The following GTPBP10 variants were observed in gnomAD, a reference collection of about 807,000 sequenced individuals.
GTPBP10 encodes the protein GTP-binding protein 10.
A neutral mutation model predicts 44.8 loss-of-function variants in GTPBP10; 38 were observed. That is an observed-to-expected ratio of 0.85 (90% CI 0.65 to 1.11). GTPBP10 has a LOEUF of 1.11. Ranked by LOEUF, GTPBP10 falls within the 50% of genes most tolerant of loss-of-function variation. The pLI, the probability that GTPBP10 is intolerant of heterozygous loss-of-function variation, is 0.00. For synonymous variants in GTPBP10, 152 were observed against 150.6 expected (o/e 1.01, Z -0.07); for missense variants, 462 against 453.7 (o/e 1.02, Z -0.17).
chr7:90,369,115 C>G (rs568697920), intron 4 of GTPBP10, among the ~76,000 whole-genome samples: 2 of 152,196 alleles, frequency 1.3e-5, no homozygotes, highest in Non-Finnish European at 2.9e-5. Flanking sequence ...CTAGGAATCA[C>G]CAGCGGAGGC....
chr7:90,353,141 C>A, intron 2 of GTPBP10, 132 bp downstream of exon 2: 2 of 561,728 alleles, frequency 3.6e-6, no homozygotes, highest in Non-Finnish European at 6.1e-6. Context: ...CAAGCAAAAG[C>A]CTAAAATGTC....
At chr7:90,377,431 A>T (rs1156534736) in intron 6 of GTPBP10, 76 bp from the exon 7 acceptor site, 20 of 908,352 alleles carry the variant, frequency 2.2e-5, no homozygotes, top group Non-Finnish European at 3.3e-5. Flanking sequence ...GAAATATCTT[A>T]AAAATTTTGG....
At chr7:90,364,602 C>T (rs952811782) in intron 4 of GTPBP10, among the ~76,000 whole-genome samples, 2 of 152,208 alleles carry the variant, frequency 1.3e-5, no homozygotes, top group Non-Finnish European at 2.9e-5. Flanking sequence ...AGGAGGCAGT[C>T]TGTCCGTTCT....
chr7:90,363,125 C>A (rs1323788665), intron 4 of GTPBP10, among the ~76,000 whole-genome samples: 1 of 152,122 alleles, frequency 6.6e-6, no homozygotes, highest in Non-Finnish European at 1.5e-5. Context: ...GAGCATTTAG[C>A]CCATTTACAT....
At chr7:90,363,204 T>TA (rs1415261662) in intron 4 of GTPBP10, among the ~76,000 whole-genome samples, 3 of 152,218 alleles carry the variant, frequency 2.0e-5, no homozygotes, top group Admixed American at 1.3e-4. Flanking sequence ...TTTTGCTCGT[T>TA]AGTTGATGCG....
rs1796555902 is a variant in GTPBP10, at chr7:90,388,095, G to A, written c.*2941G>A. On this transcript the variant is annotated 3_prime_UTR_variant, in exon 10 of 10. Coordinates refer to ENST00000222511, the MANE Select transcript of GTPBP10 (RefSeq NM_033107.4). ...ATTTTATTATGTGACTCACTAAGAT[G>A]TTCAATTCATTAGTATTTTCTGGTT... is the stretch of plus-strand genomic sequence containing the variant. 6.6e-6 allele frequency: 1 copy of A among 152,038 alleles called. No homozygotes were observed. The highest frequency in any genetic ancestry group is 1.5e-5 in the Non-Finnish European group (1 of 68,002). The allele number at this position is 152,038 out of a possible 1,614,324, so 9.4% of individuals were successfully genotyped here. A position where few individuals can be genotyped will look rare whatever the true frequency, so the allele number is the denominator to read the frequency against.
intron 7 of GTPBP10, among the ~76,000 whole-genome samples, 154 bp downstream of exon 7, chr7:90,377,768 A>G (rs1055030576): frequency 3.3e-4 from 50 of 152,164 alleles, no homozygotes; most frequent in Admixed American, 3.1e-3. Flanking sequence ...TGTTTACTAT[A>G]TCATATGTAA....
At chr7:90,371,113 A>G (rs2115720550) in intron 4 of GTPBP10, 1 of 564,532 alleles carries the variant, frequency 1.8e-6, no homozygotes, top group South Asian at 7.9e-5. Context: ...TAGTCATTGC[A>G]TTGTTTAAAG....
rs1584651018 is a variant in GTPBP10, at chr7:90,385,480, C to G, written c.*326C>G. The stretch of plus-strand genomic sequence containing the variant: ...TAACAACAATGTATTTTGAAAGTCA[C>G]TGAGTAAATTTTAAGTGGTTTTTCC... On this transcript the variant is annotated 3_prime_UTR_variant, in exon 10 of 10. Transcript: ENST00000222511. 1 of 179,726 alleles carries G rather than the reference C, an allele frequency of 5.6e-6. No individual in the cohort carries two copies. The highest frequency in any genetic ancestry group is 2.4e-5 in the African/African-American group (1 of 42,346). The allele number at this position is 179,726 out of a possible 1,614,324, so 11.1% of individuals were successfully genotyped here. A position where few individuals can be genotyped will look rare whatever the true frequency, so the allele number is the denominator to read the frequency against.
Position 90,370,974 on chromosome 7 carries a change from C to T in GTPBP10, c.465-1181C>T, listed in dbSNP as rs895153562. 3.3e-5 allele frequency among the ~76,000 whole-genome samples: 5 copies of T among 151,134 alleles called. No individual in the cohort carries two copies. In the South Asian group the frequency reaches 8.4e-4, roughly 25 times the overall value. On this transcript the variant is annotated intron_variant, in intron 4 of 9. Coordinates refer to ENST00000222511, the MANE Select transcript of GTPBP10 (RefSeq NM_033107.4). The stretch of plus-strand genomic sequence containing the variant: ...TGAGCCAAGATCACGCCACTGCACT[C>T]CAGCCTGGGCAACAGAGCGAGACTC...
At chr7:90,357,689 GA>G (rs1795931317) in intron 4 of GTPBP10, among the ~76,000 whole-genome samples, 1 of 152,080 alleles carries the variant, frequency 6.6e-6, no homozygotes, top group South Asian at 2.1e-4. Flanking sequence ...TGCCTGATAC[GA>G]AGTCAGTGCT....
chr7:90,384,601 C>CCCG (rs548204382), intron 9 of GTPBP10, among the ~76,000 whole-genome samples: 203 of 151,860 alleles, frequency 1.3e-3, no homozygotes, highest in African/African-American at 4.2e-3. Context: ...TTAACCCCCC[C>CCCG]CACACACACA....
chr7:90,380,547 G>A (rs370499137), intron 8 of GTPBP10, among the ~76,000 whole-genome samples: 4 of 152,224 alleles, frequency 2.6e-5, no homozygotes, highest in African/African-American at 9.6e-5. Context: ...TAAAAATTGT[G>A]TGTACTTAAA....
intron 1 of GTPBP10, among the ~76,000 whole-genome samples, chr7:90,349,354 A>T (rs1443964495): frequency 6.6e-6 from 1 of 152,080 alleles, no homozygotes; most frequent in Admixed American, 6.6e-5. Context: ...ATTTACAGAC[A>T]TTGTGTTTGG....
At chr7:90,370,832 C>G (rs1445377297) in intron 4 of GTPBP10, among the ~76,000 whole-genome samples, 1 of 151,958 alleles carries the variant, frequency 6.6e-6, no homozygotes, top group Admixed American at 6.6e-5. Flanking sequence ...GGTGAAACCC[C>G]ATCTCTACTG....
At position 90,354,562 on chromosome 7, in the gene GTPBP10, TA is replaced by T; in HGVS notation, c.319+15del. ...GGTAAAATTATAGGTGAGTGTACTA[TA>T]ACTCCAAAAGTTGTAAAAATGTGCA... is the stretch of plus-strand genomic sequence containing the variant. On this transcript the variant is annotated intron_variant, in intron 3 of 9. Transcript: ENST00000222511. 2 of 1,385,430 alleles carry T rather than the reference TA, an allele frequency of 1.4e-6. No individual in the cohort carries two copies. Among genetic ancestry groups the T allele is most frequent in the Non-Finnish European group, 2.0e-6 (2 of 1,001,324 alleles). 85.8% of individuals were successfully genotyped at this position (1,385,430 alleles called of 1,614,324 possible). A position where few individuals can be genotyped will look rare whatever the true frequency, so the allele number is the denominator to read the frequency against.
In GTPBP10 at chr7:90,384,872, G is replaced by T. The variant is rs753255397; in HGVS notation, c.902-20G>T. 2 of 1,576,762 alleles carry T rather than the reference G, an allele frequency of 1.3e-6. No homozygotes were observed. The highest frequency in any genetic ancestry group is 4.5e-5 in the East Asian group (2 of 44,068). On this transcript the variant is annotated intron_variant, in intron 9 of 9. Coordinates refer to ENST00000222511, the MANE Select transcript of GTPBP10 (RefSeq NM_033107.4). ...TTCGAAAACAATGGAAATCAGCTTT[G>T]TTTGTGCTCTTTCTTTTAGATTTTC...
chr7:90,351,292 A>T lies in GTPBP10; in HGVS notation c.34-1524A>T, dbSNP rs1795787181. On this transcript the variant is annotated intron_variant, in intron 1 of 9. Coordinates refer to ENST00000222511, the MANE Select transcript of GTPBP10 (RefSeq NM_033107.4). The stretch of plus-strand genomic sequence containing the variant: ...GATAAATTTTAAGTTTTTATAATAG[A>T]TGTGTGGCCAGGTGCAGTAGCTCAT... Among the ~76,000 whole-genome samples, 7 of 152,194 alleles carry T rather than the reference A, an allele frequency of 4.6e-5. No homozygotes were observed. In the South Asian group the frequency reaches 1.4e-3, roughly 31 times the overall value.
At position 90,368,232 on chromosome 7, in the gene GTPBP10, CT is replaced by C. The variant is rs367799214; in HGVS notation, c.465-3920del. Among the ~76,000 whole-genome samples the C allele has an allele frequency of 2.0e-3, 305 of 152,240 alleles. 1 individual carries two copies. The highest frequency in any genetic ancestry group is 6.9e-3 in the African/African-American group (286 of 41,532). ...CTTAATATTTTTTTCTTCATTTCAA[CT>C]TTGGTGAATCTGACAATTATGTGTC... On this transcript the variant is annotated intron_variant, in intron 4 of 9. Transcript: ENST00000222511.
Sources: gnomAD v4.1 joint callset for allele counts (sites outside exome capture counted in the v4.1 genomes callset) on GRCh38, gnomAD v4.1.1 for gene constraint, MANE v1.5 for transcripts, NCBI Gene and HGNC (gene_info 2026-07-23, HGNC 2026-07-21) for gene names.